Variants in GRM5 observed in about 807,000 individuals in gnomAD.
GRM5 encodes the protein glutamate metabotropic receptor 5, also known as metabotropic glutamate receptor 5.
A neutral mutation model predicts 83.1 loss-of-function variants in GRM5; 19 were observed. That is an observed-to-expected ratio of 0.23 (90% CI 0.16 to 0.34). The LOEUF is 0.34. Ranked by LOEUF, GRM5 falls within the 10% of genes least tolerant of loss-of-function variation. The pLI is 1.00. For synonymous variants in GRM5, 675 were observed against 633.6 expected, an observed-to-expected ratio of 1.07 and a Z score of -0.98; for missense variants, 1,160 against 1,588.3, an observed-to-expected ratio of 0.73 and a Z score of 4.58.
At chr11:88,642,983 A>T (rs1487105117) in intron 4 of GRM5, among the ~76,000 whole-genome samples, 2 of 152,006 alleles carry the variant, frequency 1.3e-5, no homozygotes, top group East Asian at 1.9e-4. Context: ...ATGTGCTTCC[A>T]CATTTTCAAT....
intron 3 of GRM5, among the ~76,000 whole-genome samples, chr11:88,749,248 T>C (rs1942211902): frequency 6.6e-6 from 1 of 152,102 alleles, no homozygotes; most frequent in Non-Finnish European, 1.5e-5. Context: ...GAGAGAAACA[T>C]AACTGATGTA....
intron 4 of GRM5, among the ~76,000 whole-genome samples, chr11:88,636,027 C>T (rs1939109550): frequency 6.6e-6 from 1 of 152,130 alleles, no homozygotes; most frequent in African/African-American, 2.4e-5. Context: ...AATAAACTCA[C>T]TAGAACTTAG....
At chr11:89,022,364 T>C (rs1051282449) in intron 2 of GRM5, among the ~76,000 whole-genome samples, 2 of 151,630 alleles carry the variant, frequency 1.3e-5, no homozygotes, top group Non-Finnish European at 2.9e-5. Context: ...AAGAATAGGC[T>C]GGGCGCGGTG....
intron 3 of GRM5, among the ~76,000 whole-genome samples, chr11:88,757,096 T>C (rs940677530): frequency 2.0e-5 from 3 of 152,140 alleles, no homozygotes; most frequent in East Asian, 1.9e-4. Context: ...AACAGATTTT[T>C]CCTCCAGAAA....
intron 4 of GRM5, among the ~76,000 whole-genome samples, chr11:88,639,916 A>C (rs1442885077): frequency 6.6e-6 from 1 of 152,148 alleles, no homozygotes; most frequent in Non-Finnish European, 1.5e-5. Context: ...ATTTTTTGAC[A>C]GTGGATATTC....
chr11:89,057,353 A>G lies in GRM5; in HGVS notation c.-201+8423T>C, dbSNP rs563749891. Among the ~76,000 whole-genome samples, 5 of 130,462 alleles carry G rather than the reference A, an allele frequency of 3.8e-5. No homozygotes were observed. The South Asian group carries it at 1.0e-3, about 27-fold the overall frequency. The allele number at this position is 130,462 out of a possible 152,430, so 85.6% of individuals were successfully genotyped here. The stretch of plus-strand genomic sequence containing the variant: ...AAGCTCCATTGTCATTACTATCTCA[A>G]TCACACATTTGTGACCCTGTAAACA... On this transcript the variant is annotated intron_variant, in intron 1 of 9. Coordinates refer to ENST00000305447, the MANE Select transcript of GRM5 (RefSeq NM_001143831.3).
At chr11:88,520,206 T>C (rs908145872) in intron 9 of GRM5, among the ~76,000 whole-genome samples, 2 of 152,188 alleles carry the variant, frequency 1.3e-5, no homozygotes, top group Non-Finnish European at 2.9e-5. Flanking sequence ...ATGGTAATCA[T>C]AGCAATGTTA....
chr11:88,671,218 G>A (rs1940185277), intron 3 of GRM5, among the ~76,000 whole-genome samples: 1 of 151,786 alleles, frequency 6.6e-6, no homozygotes, highest in African/African-American at 2.4e-5. Context: ...GTCCAGGCCA[G>A]AAAGATGTCT....
chr11:88,893,508 G>A (rs1565280731), intron 2 of GRM5, among the ~76,000 whole-genome samples: 2 of 151,992 alleles, frequency 1.3e-5, no homozygotes. Flanking sequence ...GAAGTAATGA[G>A]GGAATTAATA....
At chr11:88,648,248 C>G (rs916741893) in intron 4 of GRM5, among the ~76,000 whole-genome samples, 1 of 149,804 alleles carries the variant, frequency 6.7e-6, no homozygotes, top group African/African-American at 2.4e-5. Flanking sequence ...GACTTGGAAC[C>G]AATCCAAATG....
Position 88,567,528 on chromosome 11 carries a change from T to C in GRM5, c.2155A>G (p.Ile719Val), listed in dbSNP as rs201116900. Residue 719 changes from isoleucine to valine, a missense_variant, in exon 8 of 10, where the codon ATA becomes GTA. Physicochemically the swap from Ile to Val is conservative, Grantham distance 29 (BLOSUM62 3). Around this residue, in one of 9 missense-constraint regions of GRM5, gnomAD observed 44 missense variants for 41.0 expected, o/e 1.07. Coordinates refer to ENST00000305447, the MANE Select transcript of GRM5 (RefSeq NM_001143831.3). The surrounding 1 kb of genome is among the most constrained non-coding windows in gnomAD (Gnocchi z 7.3). ...CGAATGCTTGGGTAGTCATGCATTA[T>C]GTCAGGAGGCTCCATTATAAAGAGG... The part of the protein sequence containing the change: ...VALFIMEPPD[I>V]MHDYPSIREV... The C allele has an allele frequency of 3.1e-6, 5 of 1,613,516 alleles. No homozygotes were observed. The highest frequency in any genetic ancestry group is 4.2e-6 in the Non-Finnish European group (5 of 1,179,424).
intron 6 of GRM5, 95 bp from the exon 7 acceptor site, chr11:88,590,822 C>A: frequency 1.3e-6 from 1 of 742,158 alleles, no homozygotes; most frequent in Non-Finnish European, 2.3e-6. Flanking sequence ...GCAGAAAGGC[C>A]TTTCACATAC....
At chr11:88,638,183 T>A (rs973966725) in intron 4 of GRM5, among the ~76,000 whole-genome samples, 4 of 147,134 alleles carry the variant, frequency 2.7e-5, no homozygotes, top group Admixed American at 1.4e-4. Flanking sequence ...GAGGGATAGC[T>A]TTAGGAGATA....
At chr11:88,996,160 C>A (rs969917174) in intron 2 of GRM5, among the ~76,000 whole-genome samples, 1 of 152,074 alleles carries the variant, frequency 6.6e-6, no homozygotes, top group African/African-American at 2.4e-5. Flanking sequence ...CATGATAAAC[C>A]CTGTGGGATA....
chr11:88,530,169 A>C (rs1378267383), intron 8 of GRM5, among the ~76,000 whole-genome samples: 1 of 152,056 alleles, frequency 6.6e-6, no homozygotes, highest in Non-Finnish European at 1.5e-5. Flanking sequence ...AAACTTTTAT[A>C]ACACTGTTAG....
chr11:88,607,628 C>G (rs1001112344), intron 4 of GRM5, among the ~76,000 whole-genome samples: 1 of 152,216 alleles, frequency 6.6e-6, no homozygotes, highest in Non-Finnish European at 1.5e-5. Context: ...CAAAGACATA[C>G]AGGAGCGTGC....
chr11:88,845,733 C>A (rs1198833850), intron 3 of GRM5, among the ~76,000 whole-genome samples: 1 of 151,636 alleles, frequency 6.6e-6, no homozygotes, highest in South Asian at 2.1e-4. Context: ...GCGCCCCCCC[C>A]CACTTTTTAT....
chr11:88,889,416 T>C (rs1345390222), intron 2 of GRM5, among the ~76,000 whole-genome samples: 1 of 152,104 alleles, frequency 6.6e-6, no homozygotes, highest in East Asian at 1.9e-4. Context: ...AATTTTGCAA[T>C]GACAGTTTCA....
chr11:88,636,082 G>A (rs1591398749), intron 4 of GRM5, among the ~76,000 whole-genome samples: 1 of 152,128 alleles, frequency 6.6e-6, no homozygotes, highest in East Asian at 1.9e-4. Flanking sequence ...TATACCATCT[G>A]TTAATAGAGT....
Sources: allele counts gnomAD v4.1 joint callset (sites outside exome capture counted in the v4.1 genomes callset), GRCh38; gene constraint gnomAD v4.1.1; regional missense constraint gnomAD v4.1.1; non-coding constraint Gnocchi (gnomAD v3.1); transcripts MANE v1.5; gene names NCBI Gene and HGNC (gene_info 2026-07-23, HGNC 2026-07-21).